The following PHLDB2 variants were observed in gnomAD, a reference collection of about 807,000 sequenced individuals.
PHLDB2 encodes pleckstrin homology like domain family B member 2, also known as pleckstrin homology-like domain family B member 2.
Under a neutral mutation model 123.6 loss-of-function variants are expected in PHLDB2, and 71 were observed. The observed-to-expected ratio is 0.57, with a 90% confidence interval of 0.47 to 0.70. The LOEUF (loss-of-function observed/expected upper bound fraction) is 0.70, where lower values mean the gene tolerates loss of function less well. Ranked by LOEUF, PHLDB2 falls within the 30% of genes least tolerant of loss-of-function variation. The pLI, the probability that PHLDB2 is intolerant of heterozygous loss-of-function variation, is 0.00. For missense variants in PHLDB2, 1,446 were observed against 1,519.5 expected, an observed-to-expected ratio of 0.95 and a Z score of 0.80; for synonymous variants, 547 against 541.6, an observed-to-expected ratio of 1.01 and a Z score of -0.14.
At chr3:111,919,312 A>T in intron 4 of PHLDB2, 97 bp downstream of exon 4, 1 of 1,244,138 alleles carries the variant, frequency 8.0e-7, no homozygotes, top group Non-Finnish European at 1.2e-6. Flanking sequence ...AGATACATAG[A>T]CGTCAACACA....
rs1335692288 is a variant in PHLDB2, at chr3:111,884,173, A to G, written c.96A>G (p.Gln32=). The change falls in exon 2 of 18, where the codon CAA becomes CAG. Residue 32 remains glutamine (Q), a synonymous_variant. Transcript: ENST00000431670. ...TGCATTCTGTTGAGAACGATTCCCAAAACATGATGGAGAGCCTCAGCCCAA... is the reference window on the plus strand; with the variant it reads ...TGCATTCTGTTGAGAACGATTCCCAGAACATGATGGAGAGCCTCAGCCCAA... ...SVVHSVENDS[Q]NMMESLSPKK... The G allele has an allele frequency of 1.9e-6, 3 of 1,614,096 alleles. No individual in the cohort carries two copies. The highest frequency in any genetic ancestry group is 2.7e-5 in the African/African-American group (2 of 74,938).
intron 1 of PHLDB2, among the ~76,000 whole-genome samples, chr3:111,760,904 C>T (rs114495870): frequency 1.3e-5 from 2 of 152,018 alleles, no homozygotes; most frequent in African/African-American, 4.8e-5. Context: ...AGAACTAAGT[C>T]GGCCAGGTGT....
chr3:111,889,558 T>A (rs6789911), intron 2 of PHLDB2, among the ~76,000 whole-genome samples: 69,328 of 151,666 alleles, frequency 0.46, 16,717 homozygotes, highest in East Asian at 0.68. Context: ...AAAAATTAGC[T>A]GGGTGTGGTG....
intron 1 of PHLDB2, among the ~76,000 whole-genome samples, chr3:111,741,064 A>G (rs561969872): frequency 6.6e-6 from 1 of 152,228 alleles, no homozygotes; most frequent in Non-Finnish European, 1.5e-5. Flanking sequence ...TTCTCCAATC[A>G]GTGAGCACCA....
intron 6 of PHLDB2, among the ~76,000 whole-genome samples, chr3:111,938,467 A>G (rs2069643578): frequency 6.6e-6 from 1 of 152,136 alleles, no homozygotes; most frequent in African/African-American, 2.4e-5. Flanking sequence ...TATATAATCC[A>G]TATTATTATA....
At chr3:111,855,629 C>CTTTTTTT (rs11368889), upstream of PHLDB2, among the ~76,000 whole-genome samples, 44 of 79,830 alleles carry the variant, frequency 5.5e-4, 1 homozygote, top group African/African-American at 9.9e-4. Context: ...CTGCATTTGT[C>CTTTTTTT]TTTTTTTTTT....
Position 111,939,644 on chromosome 3 carries a change from G to A in PHLDB2, c.2286+14G>A. On this transcript the variant is annotated intron_variant, in intron 7 of 17. Coordinates refer to ENST00000431670, the MANE Select transcript of PHLDB2 (RefSeq NM_001134438.2). The stretch of plus-strand genomic sequence containing the variant: ...GTTTCTAGAAAGGTACTTTTTCCAG[G>A]TGTCATTCAATGTGAAAAATCAAAA... 1 of 1,599,390 alleles carries A rather than the reference G, an allele frequency of 6.3e-7. No homozygotes were observed.
chr3:111,967,975 CA>C (rs58918022), intron 15 of PHLDB2, 151 bp downstream of exon 15: 9,051 of 67,460 alleles, frequency 0.13, 117 homozygotes, highest in South Asian at 0.25. Flanking sequence ...CATTCCTGTG[CA>C]AAAAAAAAAA....
chr3:111,816,747 G>T (rs1178187045), intron 1 of PHLDB2, among the ~76,000 whole-genome samples: 2 of 152,184 alleles, frequency 1.3e-5, no homozygotes, highest in African/African-American at 4.8e-5. Flanking sequence ...ATGCATGATT[G>T]GTTTTGAAAT....
intron 1 of PHLDB2, among the ~76,000 whole-genome samples, chr3:111,773,492 C>T (rs1315929767): frequency 3.3e-5 from 5 of 152,188 alleles, no homozygotes; most frequent in Non-Finnish European, 5.9e-5. Flanking sequence ...TTTTTCCTGA[C>T]TTCTGATAGC....
At chr3:111,941,411 G>A (rs962936139) in intron 8 of PHLDB2, among the ~76,000 whole-genome samples, 3 of 152,192 alleles carry the variant, frequency 2.0e-5, no homozygotes, top group African/African-American at 7.2e-5. Flanking sequence ...GGCATGCAGA[G>A]AAAGACCAAA....
Position 111,974,715 on chromosome 3 carries a change from A to G in PHLDB2, c.*152A>G, listed in dbSNP as rs2072443990. 4.1e-6 allele frequency: 3 copies of G among 738,434 alleles called. No individual in the cohort carries two copies. The highest frequency in any genetic ancestry group is 7.1e-5 in the Admixed American group (2 of 28,016). The allele number at this position is 738,434 out of a possible 1,614,324, so 45.7% of individuals were successfully genotyped here. A position where few individuals can be genotyped will look rare whatever the true frequency, so the allele number is the denominator to read the frequency against. On this transcript the variant is annotated 3_prime_UTR_variant, in exon 18 of 18. Coordinates refer to ENST00000431670, the MANE Select transcript of PHLDB2 (RefSeq NM_001134438.2). Reference sequence around the variant, plus strand: ...TTTCATATCAAGACAAGTTATTTGTAAAAAATAAAGAAGGGGTTTTAATAC... The same window carrying G: ...TTTCATATCAAGACAAGTTATTTGTGAAAAATAAAGAAGGGGTTTTAATAC...
chr3:111,936,250 A>T (rs1476932132), intron 6 of PHLDB2, among the ~76,000 whole-genome samples: 1 of 152,220 alleles, frequency 6.6e-6, no homozygotes, highest in Non-Finnish European at 1.5e-5. Context: ...TAGGTCCTTC[A>T]TGCCTGGCCT....
At chr3:111,853,713 T>C (rs2064360459) in intron 2 of PHLDB2, among the ~76,000 whole-genome samples, 2 of 152,020 alleles carry the variant, frequency 1.3e-5, no homozygotes, top group Admixed American at 1.3e-4. Flanking sequence ...CCATCTCTTC[T>C]AAAAATACAA....
intron 2 of PHLDB2, among the ~76,000 whole-genome samples, chr3:111,894,538 G>T (rs965107138): frequency 1.8e-4 from 27 of 151,878 alleles, no homozygotes; most frequent in African/African-American, 5.8e-4. Context: ...CAGTGTAAAA[G>T]TGTTCCTATT....
At position 111,879,985 on chromosome 3, in the gene PHLDB2, C is replaced by CT. The variant is rs33958199; in HGVS notation, c.-14-4058dup. Reference sequence around the variant, plus strand: ...TATCTTGAAACCCTTTACCCACTGCCTTTTTTTTTTTTTTTTTTTTTGGCC... The same window carrying CT: ...TATCTTGAAACCCTTTACCCACTGCCTTTTTTTTTTTTTTTTTTTTTTGGCC... On this transcript the variant is annotated intron_variant, in intron 1 of 17. Coordinates refer to ENST00000431670, the MANE Select transcript of PHLDB2 (RefSeq NM_001134438.2). Among the ~76,000 whole-genome samples the CT allele has an allele frequency of 9.9e-3, 1,072 of 108,186 alleles. 13 individuals carry two copies. The highest frequency in any genetic ancestry group is 0.018 in the African/African-American group (489 of 27,504). 71.0% of individuals were successfully genotyped at this position (108,186 alleles called of 152,430 possible).
chr3:111,958,304 T>A, intron 12 of PHLDB2: 10 of 992,028 alleles, frequency 1.0e-5, no homozygotes, highest in Non-Finnish European at 1.2e-5. Context: ...AGGTGAGCTA[T>A]GACAGGCTGA....
At position 111,932,398 on chromosome 3, in the gene PHLDB2, G is replaced by T. The variant is rs769401072; in HGVS notation, c.2130+1G>T. On this transcript the variant is annotated splice_donor_variant, in intron 6 of 17. Transcript: ENST00000431670. LOFTEE classifies it high-confidence loss of function. ...ACAGTTACAACAACAACTGAAGAGG[G>T]TCAGTAGCAAACAGGAATGCACCAG... The T allele has an allele frequency of 1.3e-6, 2 of 1,546,498 alleles. No individual in the cohort carries two copies. Among genetic ancestry groups the T allele is most frequent in the Non-Finnish European group, 8.7e-7 (1 of 1,144,976 alleles).
In PHLDB2 at chr3:111,920,289, T is replaced by C. The variant is rs2068426547; in HGVS notation, c.1871T>C (p.Met624Thr). The change falls in exon 5 of 18, where the codon ATG becomes ACG. Residue 624 changes from methionine to threonine, a missense_variant. Transcript: ENST00000431670. ...QMDESFRELDMECALLDGEQK... is the reference protein window; with the variant it reads ...QMDESFRELDTECALLDGEQK... ...TTTGGTTTGTGTCCTTAGTTGGATA[T>C]GGAATGTGCTCTTTTGGATGGAGAA... 1.2e-6 allele frequency: 2 copies of C among 1,613,340 alleles called. No individual in the cohort carries two copies. Among genetic ancestry groups the C allele is most frequent in the Admixed American group, 3.3e-5 (2 of 59,878 alleles).
Sources: gnomAD v4.1 joint callset for allele counts (sites outside exome capture counted in the v4.1 genomes callset) on GRCh38, gnomAD v4.1.1 for gene constraint, MANE v1.5 for transcripts, NCBI Gene and HGNC (gene_info 2026-07-23, HGNC 2026-07-21) for gene names.